Variants in FBN2 observed in about 807,000 individuals in gnomAD.
FBN2 encodes fibrillin 2.
Under a neutral mutation model 355.6 loss-of-function variants are expected in FBN2, and 105 were observed. That is an observed-to-expected ratio of 0.30 (90% confidence interval 0.25 to 0.35). FBN2 has a LOEUF of 0.35. FBN2 is among the 10% of genes least tolerant of loss of function. The pLI is 1.00. For missense variants in FBN2, 3,280 were observed against 3,758.7 expected (o/e 0.87, Z 3.33); for synonymous variants, 1,350 against 1,301.2 (o/e 1.04, Z -0.81).
intron 4 of FBN2, among the ~76,000 whole-genome samples, chr5:128,522,113 AT>A (rs1458126855): frequency 1.3e-5 from 2 of 152,256 alleles, no homozygotes; most frequent in Non-Finnish European, 2.9e-5. Context: ...GACCTCAATA[AT>A]TTTTTAAAAT....
chr5:128,448,227 C>T (rs1356891565), intron 6 of FBN2, among the ~76,000 whole-genome samples: 3 of 151,838 alleles, frequency 2.0e-5, no homozygotes, highest in African/African-American at 7.3e-5. Flanking sequence ...GCAGTCTACA[C>T]ACCTCTACTG....
At chr5:128,471,054 C>G (rs1754847914) in intron 5 of FBN2, among the ~76,000 whole-genome samples, 1 of 152,100 alleles carries the variant, frequency 6.6e-6, no homozygotes, top group Non-Finnish European at 1.5e-5. Flanking sequence ...CTTGCATGGT[C>G]TTTCAACTTA....
At chr5:128,287,798 T>C (rs1260463490) in intron 53 of FBN2, among the ~76,000 whole-genome samples, 1 of 151,994 alleles carries the variant, frequency 6.6e-6, no homozygotes, top group African/African-American at 2.4e-5. Context: ...TGAGATTCCA[T>C]CCAGAGGAAG....
intron 7 of FBN2, among the ~76,000 whole-genome samples, chr5:128,421,197 T>C (rs557029906): frequency 1.3e-5 from 2 of 152,266 alleles, no homozygotes; most frequent in African/African-American, 4.8e-5. Flanking sequence ...CCTTGCACTG[T>C]AGGCAATGAG....
chr5:128,516,374 CTT>C (rs35226456), intron 5 of FBN2, among the ~76,000 whole-genome samples: 21 of 145,284 alleles, frequency 1.4e-4, no homozygotes, highest in Non-Finnish European at 1.8e-4. Flanking sequence ...CACAAGAACT[CTT>C]TTTTTTTTTT....
At chr5:128,470,718 G>A (rs1298142383) in intron 5 of FBN2, among the ~76,000 whole-genome samples, 4 of 152,186 alleles carry the variant, frequency 2.6e-5, no homozygotes, top group African/African-American at 9.7e-5. Context: ...ATGTCCCCAT[G>A]AGGCCCTACT....
chr5:128,434,678 A>G (rs1753730946), intron 7 of FBN2, among the ~76,000 whole-genome samples: 1 of 151,738 alleles, frequency 6.6e-6, no homozygotes, highest in Non-Finnish European at 1.5e-5. Context: ...GATACATATG[A>G]ATATTATAGA....
Position 128,537,651 on chromosome 5 carries a change from T to C in FBN2, c.-48A>G. 6.3e-7 allele frequency: 1 copy of C among 1,577,048 alleles called. No homozygotes were observed. The highest frequency in any genetic ancestry group is 8.6e-7 in the Non-Finnish European group (1 of 1,157,352). ...CCGTAGACCCGCGGAGAGGGAGTGATCAAAGACAAAATCTGCGCGCCTCAG... is the reference window on the plus strand; with the variant it reads ...CCGTAGACCCGCGGAGAGGGAGTGACCAAAGACAAAATCTGCGCGCCTCAG... On this transcript the variant is annotated 5_prime_UTR_variant, in exon 1 of 65. Coordinates refer to ENST00000262464, the MANE Select transcript of FBN2 (RefSeq NM_001999.4).
At chr5:128,511,880 T>G (rs1446620756) in intron 5 of FBN2, among the ~76,000 whole-genome samples, 1 of 152,202 alleles carries the variant, frequency 6.6e-6, no homozygotes, top group African/African-American at 2.4e-5. Context: ...TTAAGTAAAC[T>G]CTACCTATAT....
At chr5:128,423,454 C>CAT (rs1753405703) in intron 7 of FBN2, among the ~76,000 whole-genome samples, 1 of 152,086 alleles carries the variant, frequency 6.6e-6, no homozygotes, top group African/African-American at 2.4e-5. Context: ...CATCAGATCT[C>CAT]ATAAGACTTG....
intron 5 of FBN2, among the ~76,000 whole-genome samples, chr5:128,498,558 C>T (rs1755716765): frequency 6.6e-6 from 1 of 152,202 alleles, no homozygotes. Flanking sequence ...ACCTCCTTCA[C>T]AAATTATTTA....
intron 39 of FBN2, among the ~76,000 whole-genome samples, chr5:128,310,683 T>C (rs1292435735): frequency 2.0e-5 from 3 of 152,186 alleles, no homozygotes. Flanking sequence ...ATAATTACGC[T>C]ACATGTTTAA....
intron 5 of FBN2, among the ~76,000 whole-genome samples, chr5:128,506,531 T>C (rs1031262818): frequency 1.2e-4 from 18 of 152,136 alleles, no homozygotes; most frequent in Non-Finnish European, 2.4e-4. Context: ...TGAACTTACT[T>C]ATGAGCTCCA....
intron 5 of FBN2, among the ~76,000 whole-genome samples, chr5:128,496,613 C>T (rs567948091): frequency 6.6e-6 from 1 of 152,052 alleles, no homozygotes; most frequent in Non-Finnish European, 1.5e-5. Flanking sequence ...GAAATCTGAT[C>T]TTGCCACTTC....
Position 128,408,719 on chromosome 5 carries a change from A to G in FBN2, c.1033T>C (p.Cys345Arg). Residue 345 changes from cysteine to arginine, a missense_variant, in exon 8 of 65, where the codon TGT (cysteine) becomes CGT (arginine). Cys to Arg is a radical substitution (Grantham distance 180). This residue lies in a region of FBN2 where 343 missense variants were observed against 331.0 expected (regional missense o/e 1.04). Coordinates refer to ENST00000262464, the MANE Select transcript of FBN2 (RefSeq NM_001999.4). ...SNTVGSYFCV[C>R]PRGYVTSTDG... ...GTTGAGGTTACATATCCACGTGGACAAACACAAAAATAGCTTCCCACGGTG... is the reference window on the plus strand; with the variant it reads ...GTTGAGGTTACATATCCACGTGGACGAACACAAAAATAGCTTCCCACGGTG... 1 of 1,614,066 alleles carries G rather than the reference A, an allele frequency of 6.2e-7. No homozygotes were observed. The highest frequency in any genetic ancestry group is 8.5e-7 in the Non-Finnish European group (1 of 1,179,938).
At chr5:128,430,529 C>A (rs1382018653) in intron 7 of FBN2, among the ~76,000 whole-genome samples, 1 of 152,112 alleles carries the variant, frequency 6.6e-6, no homozygotes, top group African/African-American at 2.4e-5. Flanking sequence ...TATATGTTTT[C>A]TCTTGCAAAA....
Position 128,332,977 on chromosome 5 carries a change from T to G in FBN2, c.4157A>C (p.Asn1386Thr). Residue 1386 changes from asparagine to threonine, a missense_variant, in exon 32 of 65, where the codon AAT (asparagine) becomes ACT (threonine). Transcript: ENST00000262464. ...HNCDMHASCL[N>T]IPGSFKCSCR... Reference sequence around the variant, plus strand: ...GCTACACTTGAAGCTTCCTGGGATATTCAGACATGAGGCATGCATGTCGCA... The same window carrying G: ...GCTACACTTGAAGCTTCCTGGGATAGTCAGACATGAGGCATGCATGTCGCA... 1.2e-6 allele frequency: 2 copies of G among 1,613,588 alleles called. No homozygotes were observed. Among genetic ancestry groups the G allele is most frequent in the Non-Finnish European group, 1.7e-6 (2 of 1,179,510 alleles).
At chr5:128,373,964 A>G (rs1752014704) in intron 15 of FBN2, among the ~76,000 whole-genome samples, 1 of 152,170 alleles carries the variant, frequency 6.6e-6, no homozygotes. Flanking sequence ...TCCAATATTT[A>G]TATTTTAAGT....
At chr5:128,398,378 TATTA>T (rs1279377531) in intron 8 of FBN2, among the ~76,000 whole-genome samples, 3 of 149,920 alleles carry the variant, frequency 2.0e-5, no homozygotes, top group Non-Finnish European at 3.0e-5. Context: ...AATAATTAAA[TATTA>T]ATTAATAACT....
Sources: allele counts gnomAD v4.1 joint callset (sites outside exome capture counted in the v4.1 genomes callset), GRCh38; gene constraint gnomAD v4.1.1; regional missense constraint gnomAD v4.1.1; transcripts MANE v1.5; gene names NCBI Gene and HGNC (gene_info 2026-07-23, HGNC 2026-07-21).